Variants in SP4 observed in about 807,000 individuals in gnomAD.
SP4 encodes the protein transcription factor Sp4.
A neutral mutation model predicts 72.8 loss-of-function variants in SP4; 19 were observed. The observed-to-expected ratio is 0.26, with a 90% CI of 0.18 to 0.38. The LOEUF (loss-of-function observed/expected upper bound fraction) is 0.38. SP4 is among the 10% of genes least tolerant of loss of function. The probability of loss-of-function intolerance (pLI) is 1.00; values close to 1 mark genes in which losing one functional copy is unlikely to be tolerated. For synonymous variants in SP4, 395 were observed against 333.1 expected, an observed-to-expected ratio of 1.19 and a Z score of -2.02; for missense variants, 1,008 against 926.3, an observed-to-expected ratio of 1.09 and a Z score of -1.14.
chr7:21,511,332 A>G lies in SP4; in HGVS notation c.*63A>G. On this transcript the variant is annotated 3_prime_UTR_variant, in exon 6 of 6. Coordinates refer to ENST00000222584, the MANE Select transcript of SP4 (RefSeq NM_003112.5). The stretch of plus-strand genomic sequence containing the variant: ...GTTTACACACCTTTGAAAATCTGGA[A>G]ATGGGCTGGTCAAGTGGATTACAGA... The G allele has an allele frequency of 6.7e-7, 1 of 1,503,370 alleles. No homozygotes were observed. The highest frequency in any genetic ancestry group is 9.1e-7 in the Non-Finnish European group (1 of 1,100,956). The allele number at this position is 1,503,370 out of a possible 1,614,324, so 93.1% of individuals were successfully genotyped here.
intron 2 of SP4, 39 bp from the exon 3 acceptor site, chr7:21,429,250 T>TC (rs747741729): frequency 6.9e-6 from 8 of 1,159,790 alleles, no homozygotes; most frequent in Non-Finnish European, 7.1e-6. Context: ...CCCACTTTTT[T>TC]TCCCCCCCCC....
chr7:21,460,997 C>T (rs930084461), intron 3 of SP4, among the ~76,000 whole-genome samples: 1 of 152,178 alleles, frequency 6.6e-6, no homozygotes, highest in African/African-American at 2.4e-5. Context: ...AAACCTTGAG[C>T]TAGACACAGA....
At chr7:21,508,018 C>G (rs1009464344) in intron 5 of SP4, among the ~76,000 whole-genome samples, 3 of 152,110 alleles carry the variant, frequency 2.0e-5, no homozygotes, top group African/African-American at 7.2e-5. Flanking sequence ...CCTCCCTTGG[C>G]TTCTGCACGA....
At chr7:21,434,132 C>A (rs1782968100) in intron 3 of SP4, among the ~76,000 whole-genome samples, 1 of 152,082 alleles carries the variant, frequency 6.6e-6, no homozygotes, top group African/African-American at 2.4e-5. Flanking sequence ...TGTTGTTCCC[C>A]AGGAGAATGG....
intron 1 of SP4, 86 bp downstream of exon 1, chr7:21,428,344 C>G: frequency 5.5e-6 from 4 of 731,912 alleles, no homozygotes; most frequent in South Asian, 3.0e-5. Flanking sequence ...TCCCCCCTCC[C>G]CCGGGGCCGC....
At chr7:21,497,587 T>G (rs1393558697) in intron 5 of SP4, among the ~76,000 whole-genome samples, 1 of 152,208 alleles carries the variant, frequency 6.6e-6, no homozygotes, top group Non-Finnish European at 1.5e-5. Context: ...TTGGTTTTGC[T>G]CTTGCCCCCT....
intron 3 of SP4, among the ~76,000 whole-genome samples, chr7:21,443,296 CAA>C (rs1451346112): frequency 6.6e-6 from 1 of 151,984 alleles, no homozygotes; most frequent in Non-Finnish European, 1.5e-5. Flanking sequence ...GGAATAGACT[CAA>C]GATATATATT....
chr7:21,456,627 C>T lies in SP4; in HGVS notation c.1679-20452C>T, dbSNP rs188093221. Among the ~76,000 whole-genome samples, 48 of 152,190 alleles carry T rather than the reference C, an allele frequency of 3.2e-4. 1 individual carries two copies. In the South Asian group the frequency reaches 4.2e-3, roughly 13 times the overall value. On this transcript the variant is annotated intron_variant, in intron 3 of 5. Coordinates refer to ENST00000222584, the MANE Select transcript of SP4 (RefSeq NM_003112.5). ...TGTGCCCCTGAGGCAGGCAGTCTGGCGGGTGTGCAAGGCCATTTCAGATTA... is the reference window on the plus strand; with the variant it reads ...TGTGCCCCTGAGGCAGGCAGTCTGGTGGGTGTGCAAGGCCATTTCAGATTA...
At chr7:21,474,754 A>G (rs575126492) in intron 3 of SP4, among the ~76,000 whole-genome samples, 1 of 152,326 alleles carries the variant, frequency 6.6e-6, no homozygotes, top group South Asian at 2.1e-4. Flanking sequence ...GCACAGTCAT[A>G]AATTTACAAC....
At chr7:21,453,380 G>A (rs1286769220) in intron 3 of SP4, among the ~76,000 whole-genome samples, 1 of 152,138 alleles carries the variant, frequency 6.6e-6, no homozygotes, top group African/African-American at 2.4e-5. Flanking sequence ...ACAATTATCT[G>A]TGGATGATAA....
intron 1 of SP4, 81 bp from the exon 2 acceptor site, chr7:21,428,594 GGA>G (rs773476842): frequency 7.5e-7 from 1 of 1,325,166 alleles, no homozygotes. Flanking sequence ...GGGGGAGGGG[GGA>G]GAAGAGGAGA....
At chr7:21,510,871 A>G (rs1275930293) in intron 5 of SP4, 151 bp from the exon 6 acceptor site, 18 of 689,284 alleles carry the variant, frequency 2.6e-5, no homozygotes, top group East Asian at 2.8e-5. Context: ...TGCATTGTGT[A>G]TTTGATAACG....
In SP4 at chr7:21,430,087, A is replaced by G. The variant is rs1583367852; in HGVS notation, c.922A>G (p.Thr308Ala). 1.2e-6 allele frequency: 2 copies of G among 1,614,130 alleles called. No individual in the cohort carries two copies. The highest frequency in any genetic ancestry group is 3.3e-5 in the Admixed American group (2 of 60,010). Residue 308 changes from threonine (T) to alanine (A), a missense_variant, in exon 3 of 6, where the codon ACT (threonine) becomes GCT (alanine). By Grantham distance (58) the Thr-to-Ala change is moderately conservative. This residue lies in a region of SP4 where 893 missense variants were observed against 743.3 expected (regional missense o/e 1.20). Coordinates refer to ENST00000222584, the MANE Select transcript of SP4 (RefSeq NM_003112.5). ...NQLVSTPTNT[T>A]TSASTMPESP... ...ATTAGTTTCCACACCCACCAACACC[A>G]CTACTTCTGCCAGTACTATGCCAGA...
intron 3 of SP4, among the ~76,000 whole-genome samples, chr7:21,457,825 C>T (rs1002730602): frequency 2.0e-5 from 3 of 151,824 alleles, no homozygotes; most frequent in African/African-American, 7.3e-5. Flanking sequence ...TGGGGTCTTG[C>T]TCTGTTGGCC....
At chr7:21,499,024 G>A (rs1448269338) in intron 5 of SP4, among the ~76,000 whole-genome samples, 1 of 148,410 alleles carries the variant, frequency 6.7e-6, no homozygotes, top group Admixed American at 6.7e-5. Context: ...AGCTTACAGT[G>A]AGCCGAGATC....
intron 5 of SP4, among the ~76,000 whole-genome samples, chr7:21,488,757 C>T (rs528193517): frequency 7.3e-5 from 11 of 151,610 alleles, no homozygotes; most frequent in Non-Finnish European, 1.5e-4. Context: ...ATAACAAGAC[C>T]CCGTCTCTTA....
intron 3 of SP4, among the ~76,000 whole-genome samples, chr7:21,453,973 C>T (rs988523517): frequency 1.3e-5 from 2 of 149,890 alleles, no homozygotes; most frequent in Admixed American, 6.6e-5. Context: ...ATTCCCATGC[C>T]TTCTTATGAT....
At chr7:21,497,073 T>G (rs1425004661) in intron 5 of SP4, among the ~76,000 whole-genome samples, 1 of 152,256 alleles carries the variant, frequency 6.6e-6, no homozygotes, top group Non-Finnish European at 1.5e-5. Flanking sequence ...GTCCCAATTA[T>G]TATCCCCTGT....
At chr7:21,446,362 C>CTATG (rs1562592308) in intron 3 of SP4, among the ~76,000 whole-genome samples, 1 of 151,880 alleles carries the variant, frequency 6.6e-6, no homozygotes, top group African/African-American at 2.4e-5. Flanking sequence ...GTAGTGGTAA[C>CTATG]TATGTATAAT....
Sources: allele counts gnomAD v4.1 joint callset (sites outside exome capture counted in the v4.1 genomes callset), GRCh38; gene constraint gnomAD v4.1.1; regional missense constraint gnomAD v4.1.1; transcripts MANE v1.5; gene names NCBI Gene and HGNC (gene_info 2026-07-23, HGNC 2026-07-21).